ATRN: variants seen among roughly 807,000 people sequenced by gnomAD.
The protein encoded by ATRN is attractin-2.
A neutral mutation model predicts 178.7 loss-of-function variants in ATRN; 54 were observed. The ratio of observed to expected loss-of-function variants is 0.30; its 90% CI spans 0.24 to 0.38. The LOEUF (loss-of-function observed/expected upper bound fraction) is 0.38. Among genes scored for constraint, ATRN ranks in the 10% least tolerant of loss-of-function variants. The pLI, the probability that ATRN is intolerant of heterozygous loss-of-function variation, is 1.00. For synonymous variants in ATRN, 636 were observed against 663.0 expected, an observed-to-expected ratio of 0.96 and a Z score of 0.63; for missense variants, 1,443 against 1,815.1, an observed-to-expected ratio of 0.79 and a Z score of 3.73.
At chr20:3,622,604 A>G (rs935780508) in intron 24 of ATRN, among the ~76,000 whole-genome samples, 1 of 152,266 alleles carries the variant, frequency 6.6e-6, no homozygotes, top group Non-Finnish European at 1.5e-5. Context: ...AAGGTTGACC[A>G]ACAAAGACTG....
chr20:3,557,821 G>T (rs2085898972), intron 6 of ATRN, among the ~76,000 whole-genome samples: 1 of 152,092 alleles, frequency 6.6e-6, no homozygotes, highest in Non-Finnish European at 1.5e-5. Flanking sequence ...AAAATAAATT[G>T]CATATAACTT....
chr20:3,488,076 T>C (rs188483811), intron 1 of ATRN, among the ~76,000 whole-genome samples: 49 of 147,460 alleles, frequency 3.3e-4, no homozygotes, highest in African/African-American at 1.1e-3. Flanking sequence ...CACTATGGAG[T>C]TGGCTAACAT....
intron 13 of ATRN, 68 bp from the exon 14 acceptor site, chr20:3,576,791 C>T: frequency 1.3e-6 from 2 of 1,544,812 alleles, no homozygotes; most frequent in South Asian, 1.2e-5. Flanking sequence ...TCTATAATAT[C>T]CTGTTGGTCC....
Position 3,638,866 on chromosome 20 carries a change from C to T in ATRN, c.3981C>T (p.Pro1327=), listed in dbSNP as rs2087045260. The T allele has an allele frequency of 1.2e-6, 2 of 1,614,080 alleles. No individual in the cohort carries two copies. Among genetic ancestry groups the T allele is most frequent in the Non-Finnish European group, 1.7e-6 (2 of 1,180,042 alleles). ...AGATGCAACAGATGGCCAGCCGTCCCTTTGCCTCTGTAAATGTCGCCTTGG... is the reference window on the plus strand; with the variant it reads ...AGATGCAACAGATGGCCAGCCGTCCTTTTGCCTCTGTAAATGTCGCCTTGG... ...LREMQQMASR[P]FASVNVALET... The change falls in exon 27 of 29, where the codon CCC becomes CCT. Residue 1327 remains proline (P), a synonymous_variant. Transcript: ENST00000262919. This position sits in a 1 kb window ranked among gnomAD's most constrained non-coding sequence, Gnocchi z 4.5.
At chr20:3,539,024 C>T (rs2085581495) in intron 2 of ATRN, among the ~76,000 whole-genome samples, 1 of 152,216 alleles carries the variant, frequency 6.6e-6, no homozygotes, top group African/African-American at 2.4e-5. Context: ...CTCCCTACGA[C>T]TTTTTGCACT....
intron 10 of ATRN, 105 bp from the exon 11 acceptor site, chr20:3,565,243 G>A: frequency 1.2e-6 from 1 of 825,576 alleles, no homozygotes; most frequent in Non-Finnish European, 1.9e-6. Context: ...TGAGAGGCAT[G>A]TTTTATGAGG....
intron 24 of ATRN, among the ~76,000 whole-genome samples, 177 bp from the exon 25 acceptor site, chr20:3,624,334 G>A (rs1435468123): frequency 6.6e-6 from 1 of 152,232 alleles, no homozygotes; most frequent in Non-Finnish European, 1.5e-5. Context: ...ATTGCTATGG[G>A]ACTGGCAACT....
At position 3,646,870 on chromosome 20, in the gene ATRN, A is replaced by G; in HGVS notation, c.*23A>G. Reference sequence around the variant, plus strand: ...TGATGCTGGGGCCAGGGACTCTCCCACGCACGAGCTAGTGAGTGGCACACC... The same window carrying G: ...TGATGCTGGGGCCAGGGACTCTCCCGCGCACGAGCTAGTGAGTGGCACACC... On this transcript the variant is annotated 3_prime_UTR_variant, in exon 29 of 29. Coordinates refer to ENST00000262919, the MANE Select transcript of ATRN (RefSeq NM_139321.3). The G allele has an allele frequency of 3.1e-6, 5 of 1,612,260 alleles. No individual in the cohort carries two copies. Among genetic ancestry groups the G allele is most frequent in the Non-Finnish European group, 4.2e-6 (5 of 1,179,294 alleles).
Position 3,549,338 on chromosome 20 carries a change from C to T in ATRN, c.1112C>T (p.Ala371Val), listed in dbSNP as rs762169974. The T allele has an allele frequency of 2.8e-5, 43 of 1,526,336 alleles. No homozygotes were observed. The highest frequency in any genetic ancestry group is 4.3e-5 in the African/African-American group (3 of 70,000). 94.5% of individuals were successfully genotyped at this position (1,526,336 alleles called of 1,614,324 possible). A position where few individuals can be genotyped will look rare whatever the true frequency, so the allele number is the denominator to read the frequency against. The part of the protein sequence containing the change: ...FNHSDYNMVL[A>V]YDLASREWLP... ...CACTCAGATTATAACATGGTTCTAG[C>T]GTAAGTCGTTTTAAACATTTTTGCA... Residue 371 changes from alanine to valine, a missense_variant and splice_region_variant, in exon 6 of 29, where the codon GCG becomes GTG. Ala to Val is a moderately conservative substitution (Grantham distance 64). Around this residue, in one of 4 missense-constraint regions of ATRN, gnomAD observed 862 missense variants for 972.1 expected, o/e 0.89. Transcript: ENST00000262919.
intron 1 of ATRN, among the ~76,000 whole-genome samples, chr20:3,480,498 C>T (rs1287580065): frequency 6.6e-6 from 1 of 152,094 alleles, no homozygotes; most frequent in African/African-American, 2.4e-5. Flanking sequence ...TCAAAACTTG[C>T]CTGAAGGTGT....
intron 24 of ATRN, among the ~76,000 whole-genome samples, chr20:3,618,225 A>G (rs2086868380): frequency 6.6e-6 from 1 of 152,062 alleles, no homozygotes; most frequent in Non-Finnish European, 1.5e-5. Context: ...GCAGTGATAT[A>G]TACTGGAGGG....
chr20:3,535,435 G>A (rs1215293068), intron 2 of ATRN, 99 bp downstream of exon 2: 3 of 514,036 alleles, frequency 5.8e-6, no homozygotes, highest in Non-Finnish European at 9.5e-6. Context: ...GTAGCATAAA[G>A]TTCTTAAAAC....
intron 1 of ATRN, among the ~76,000 whole-genome samples, chr20:3,526,531 A>G (rs751782356): frequency 3.3e-5 from 5 of 152,194 alleles, no homozygotes; most frequent in South Asian, 2.1e-4. Context: ...TATAGATTCA[A>G]TACTATCCCC....
At chr20:3,625,798 A>T (rs1207885261) in intron 25 of ATRN, among the ~76,000 whole-genome samples, 1 of 152,128 alleles carries the variant, frequency 6.6e-6, no homozygotes, top group East Asian at 1.9e-4. Context: ...TGTTTCCCAG[A>T]TCCCATGTCT....
intron 16 of ATRN, 143 bp downstream of exon 16, chr20:3,582,497 C>CA (rs2086295042): frequency 1.3e-6 from 1 of 756,728 alleles, no homozygotes; most frequent in East Asian, 2.7e-5. Flanking sequence ...GAGTATAACC[C>CA]AGATTTCAGA....
Position 3,509,896 on chromosome 20 carries a change from A to G in ATRN, c.411-25357A>G, listed in dbSNP as rs563985010. On this transcript the variant is annotated intron_variant, in intron 1 of 28. Transcript: ENST00000262919. ...ACAACTTTGTATTCTACCCAAATTC[A>G]TTGTTAACATCTCACTACATTTGCT... Among the ~76,000 whole-genome samples, 4 of 152,274 alleles carry G rather than the reference A, an allele frequency of 2.6e-5. No homozygotes were observed. The South Asian group carries it at 8.3e-4, about 32-fold the overall frequency.
chr20:3,558,972 A>C (rs2085915431), intron 6 of ATRN, among the ~76,000 whole-genome samples: 2 of 152,208 alleles, frequency 1.3e-5, no homozygotes, highest in Admixed American at 1.3e-4. Flanking sequence ...TTATATAAAG[A>C]AAAGGAAAGA....
intron 6 of ATRN, among the ~76,000 whole-genome samples, chr20:3,549,790 T>A (rs1410683809): frequency 6.6e-6 from 1 of 152,228 alleles, no homozygotes; most frequent in Admixed American, 6.5e-5. Context: ...TGGAATTAGC[T>A]ATGGAGGTGG....
Position 3,525,221 on chromosome 20 carries a change from C to A in ATRN, c.411-10032C>A, listed in dbSNP as rs143103615. Among the ~76,000 whole-genome samples, 1,376 of 152,218 alleles carry A rather than the reference C, an allele frequency of 9.0e-3. 19 individuals carry two copies. The highest frequency in any genetic ancestry group is 0.03 in the African/African-American group (1,254 of 41,544). On this transcript the variant is annotated intron_variant, in intron 1 of 28. Transcript: ENST00000262919. ...ATAAAAAATGATAAAGGGGATATCA[C>A]CACTGATCCCAAAGAAATAGAAACT...
Sources: gnomAD v4.1 joint callset for allele counts (sites outside exome capture counted in the v4.1 genomes callset) on GRCh38, gnomAD v4.1.1 for gene constraint, gnomAD v4.1.1 regional missense constraint, Gnocchi (gnomAD v3.1) non-coding constraint, MANE v1.5 for transcripts, NCBI Gene and HGNC (gene_info 2026-07-23, HGNC 2026-07-21) for gene names.